Variants in TET1 observed in about 807,000 individuals in gnomAD.
TET1 encodes tet methylcytosine dioxygenase 1.
In TET1, 13 loss-of-function variants were observed where a neutral mutation model predicts 148.7. The ratio of observed to expected loss-of-function variants is 0.09; its 90% CI spans 0.06 to 0.14. TET1 has a LOEUF of 0.14. TET1 is among the 10% of genes least tolerant of loss of function. TET1 has a pLI of 1.00. For synonymous variants in TET1, 907 were observed against 937.2 expected (o/e 0.97, Z 0.59); for missense variants, 2,182 against 2,553.8 (o/e 0.85, Z 3.14).
At chr10:68,581,342 T>A (rs1335665912) in intron 2 of TET1, among the ~76,000 whole-genome samples, 2 of 152,206 alleles carry the variant, frequency 1.3e-5, no homozygotes, top group Non-Finnish European at 2.9e-5. Flanking sequence ...CGGTTAGGGT[T>A]TTCCTTCTAT....
At chr10:68,687,140 C>G (rs1357798519) in intron 11 of TET1, among the ~76,000 whole-genome samples, 1 of 138,770 alleles carries the variant, frequency 7.2e-6, no homozygotes, top group Non-Finnish European at 1.6e-5. Flanking sequence ...GCCCCCGCCC[C>G]CCCGCCCCCG....
At chr10:68,590,560 G>A (rs533012094) in intron 2 of TET1, among the ~76,000 whole-genome samples, 15 of 151,828 alleles carry the variant, frequency 9.9e-5, no homozygotes, top group African/African-American at 1.7e-4. Context: ...GGATATCCTC[G>A]TTTTGTATAA....
At chr10:68,681,546 G>A (rs1564508861) in intron 9 of TET1, 58 bp downstream of exon 9, 4 of 1,228,780 alleles carry the variant, frequency 3.3e-6, no homozygotes, top group Middle Eastern at 2.1e-4. Flanking sequence ...GTCTTGCTTT[G>A]TTGCCCAGGC....
chr10:68,574,354 ATT>A, intron 2 of TET1, 102 bp downstream of exon 2: 2 of 897,742 alleles, frequency 2.2e-6, no homozygotes, highest in Admixed American at 2.8e-5. Context: ...GTAATAGTGA[ATT>A]GCTTCACTAT....
intron 3 of TET1, among the ~76,000 whole-genome samples, chr10:68,607,497 A>G (rs1169477668): frequency 1.3e-5 from 2 of 151,688 alleles, no homozygotes; most frequent in Non-Finnish European, 2.9e-5. Context: ...GAGTGGCACA[A>G]TCTTGGTTCG....
chr10:68,612,166 T>G (rs1278520120), intron 3 of TET1, among the ~76,000 whole-genome samples: 1 of 150,726 alleles, frequency 6.6e-6, no homozygotes, highest in Admixed American at 6.7e-5. Context: ...CTTGGCTCAC[T>G]GCAACCTCCG....
chr10:68,640,183 T>TC (rs1446266533), intron 3 of TET1, among the ~76,000 whole-genome samples: 10 of 151,868 alleles, frequency 6.6e-5, no homozygotes, highest in Admixed American at 2.6e-4. Context: ...TGCCTCGACC[T>TC]CCCAAAGTGC....
At position 68,651,669 on chromosome 10, in the gene TET1, A is replaced by T. The variant is rs10998365; in HGVS notation, c.4277-177A>T. Among the ~76,000 whole-genome samples the T allele has an allele frequency of 6.9e-3, 1,057 of 152,222 alleles. 15 individuals are homozygous for T. The highest frequency in any genetic ancestry group is 0.024 in the African/African-American group (1,001 of 41,538). On this transcript the variant is annotated intron_variant, in intron 4 of 11. Coordinates refer to ENST00000373644, the MANE Select transcript of TET1 (RefSeq NM_030625.3). ...TCGTTAGGGGCAGGAAGAAAGGAAC[A>T]TTAAAAGTTAAATTTCATGGGCTGT...
intron 3 of TET1, among the ~76,000 whole-genome samples, chr10:68,628,843 G>GT (rs909159619): frequency 2.6e-5 from 4 of 152,144 alleles, no homozygotes; most frequent in African/African-American, 9.7e-5. Context: ...TGATGTTGAT[G>GT]TTTAGCAGGT....
intron 2 of TET1, among the ~76,000 whole-genome samples, chr10:68,595,978 A>G (rs1589061451): frequency 4.9e-5 from 2 of 40,938 alleles, no homozygotes; most frequent in African/African-American, 2.1e-4. Flanking sequence ...ACACACACAC[A>G]TATATACACA....
At chr10:68,665,082 T>G (rs576419004) in intron 6 of TET1, among the ~76,000 whole-genome samples, 1 of 152,150 alleles carries the variant, frequency 6.6e-6, no homozygotes. Context: ...TTTTTTATCT[T>G]TTCAATTAGC....
chr10:68,617,275 C>T (rs1431483382), intron 3 of TET1, among the ~76,000 whole-genome samples: 1 of 151,604 alleles, frequency 6.6e-6, no homozygotes, highest in Non-Finnish European at 1.5e-5. Context: ...CCACCCACCT[C>T]GGCCTCCCAA....
At chr10:68,585,835 C>T (rs1158541950) in intron 2 of TET1, among the ~76,000 whole-genome samples, 1 of 151,666 alleles carries the variant, frequency 6.6e-6, no homozygotes, top group Non-Finnish European at 1.5e-5. Context: ...TGGTGAAACC[C>T]CGTCTCCACT....
chr10:68,588,840 G>T (rs1481103726), intron 2 of TET1, among the ~76,000 whole-genome samples: 3 of 149,800 alleles, frequency 2.0e-5, no homozygotes, highest in African/African-American at 7.4e-5. Flanking sequence ...AAAAAATGTT[G>T]GCTGGGTGTG....
Position 68,573,865 on chromosome 10 carries a change from A to G in TET1, c.1527A>G (p.Pro509=), listed in dbSNP as rs368334235. ...NEKQVHISFL[P]ANTQGFPLAP... ...AGCAGGTTCATATAAGCTTCCTGCC[A>G]GCTAACACTCAGGGGTTCCCATTAG... The change falls in exon 2 of 12, where the codon CCA becomes CCG. Residue 509 remains proline, a synonymous_variant. Transcript: ENST00000373644. 17 of 1,614,206 alleles carry G rather than the reference A, an allele frequency of 1.1e-5. No homozygotes were observed. The highest frequency in any genetic ancestry group is 1.4e-5 in the Non-Finnish European group (17 of 1,180,032).
intron 2 of TET1, among the ~76,000 whole-genome samples, chr10:68,581,620 T>C (rs1184686185): frequency 6.6e-6 from 1 of 152,106 alleles, no homozygotes; most frequent in Admixed American, 6.5e-5. Flanking sequence ...GGCAGGCAGA[T>C]TGCTTGAGCC....
chr10:68,640,544 C>T (rs3085657), intron 3 of TET1, among the ~76,000 whole-genome samples: 117 of 42,884 alleles, frequency 2.7e-3, no homozygotes, highest in Non-Finnish European at 3.5e-3. Context: ...TTCTTTCTTT[C>T]TTTTTTTTTT....
Position 68,686,595 on chromosome 10 carries a change from G to A in TET1, c.5292G>A (p.Glu1764=). ...SGKKRAAMMT[E]VLAHKIRAVE... is the part of the protein sequence containing the mutation. ...AGAAGAGGGCTGCGATGATGACAGA[G>A]GTTCTTGCACATAAGATAAGGGCAG... The change falls in exon 11 of 12, where the codon GAG becomes GAA. Residue 1764 remains glutamate (E), a synonymous_variant. Transcript: ENST00000373644. 1 of 1,614,140 alleles carries A rather than the reference G, an allele frequency of 6.2e-7. No individual in the cohort carries two copies. The highest frequency in any genetic ancestry group is 8.5e-7 in the Non-Finnish European group (1 of 1,180,040).
At chr10:68,635,551 A>G (rs1410270716) in intron 3 of TET1, among the ~76,000 whole-genome samples, 2 of 152,208 alleles carry the variant, frequency 1.3e-5, no homozygotes, top group Non-Finnish European at 2.9e-5. Context: ...TTCCTGCCAA[A>G]CCCATGTTCT....
Sources: gnomAD v4.1 joint callset for allele counts (sites outside exome capture counted in the v4.1 genomes callset) on GRCh38, gnomAD v4.1.1 for gene constraint, MANE v1.5 for transcripts, NCBI Gene and HGNC (gene_info 2026-07-23, HGNC 2026-07-21) for gene names.